ROBO1: variants seen among roughly 807,000 people sequenced by gnomAD.
The protein encoded by ROBO1 is roundabout guidance receptor 1, also known as roundabout homolog 1.
A neutral mutation model predicts 195.9 loss-of-function variants in ROBO1; 149 were observed. That is an observed-to-expected ratio of 0.76 (90% CI 0.67 to 0.87). The LOEUF is 0.87. Ranked by LOEUF, ROBO1 falls within the 40% of genes least tolerant of loss-of-function variation. The pLI, the probability that ROBO1 is intolerant of heterozygous loss-of-function variation, is 0.00. For synonymous variants in ROBO1, 816 were observed against 733.2 expected, an observed-to-expected ratio of 1.11 and a Z score of -1.82; for missense variants, 1,933 against 2,068.3, an observed-to-expected ratio of 0.93 and a Z score of 1.27.
chr3:78,635,567 ATATAT>A (rs1237240440), intron 23 of ROBO1, among the ~76,000 whole-genome samples: 3 of 152,152 alleles, frequency 2.0e-5, no homozygotes, highest in Non-Finnish European at 4.4e-5. Context: ...GAAAATACTT[ATATAT>A]TATTATAAAA....
chr3:79,688,995 C>G (rs911325110), intron 1 of ROBO1, among the ~76,000 whole-genome samples: 1 of 151,972 alleles, frequency 6.6e-6, no homozygotes, highest in Non-Finnish European at 1.5e-5. Flanking sequence ...AATTATTAGA[C>G]TTTTTTCTCA....
At chr3:79,476,908 T>C (rs1053870233) in intron 2 of ROBO1, among the ~76,000 whole-genome samples, 5 of 151,958 alleles carry the variant, frequency 3.3e-5, no homozygotes, top group South Asian at 2.1e-4. Context: ...CAATAACCTA[T>C]GTAAATTTAA....
chr3:79,695,944 TC>T (rs1294032920), intron 1 of ROBO1, among the ~76,000 whole-genome samples: 18 of 146,466 alleles, frequency 1.2e-4, no homozygotes, highest in Non-Finnish European at 3.1e-5. Context: ...AGGTTTTTTT[TC>T]CCCCCAATCA....
chr3:79,675,334 G>T (rs957726697), intron 1 of ROBO1, among the ~76,000 whole-genome samples: 3 of 151,978 alleles, frequency 2.0e-5, no homozygotes, highest in African/African-American at 7.2e-5. Context: ...GTATGTCTAA[G>T]ATTTGTTGAA....
chr3:79,069,662 A>G (rs958187986), intron 3 of ROBO1, among the ~76,000 whole-genome samples: 2 of 151,928 alleles, frequency 1.3e-5, no homozygotes, highest in African/African-American at 4.8e-5. Context: ...GTAAGTGGTT[A>G]CAGAACAAAC....
chr3:78,878,079 G>A (rs1400689427), intron 4 of ROBO1, among the ~76,000 whole-genome samples: 2 of 151,896 alleles, frequency 1.3e-5, no homozygotes, highest in African/African-American at 2.4e-5. Context: ...GAGGGCCATC[G>A]TTCTCAATTA....
intron 4 of ROBO1, among the ~76,000 whole-genome samples, chr3:78,845,847 T>C (rs1167146827): frequency 6.6e-6 from 1 of 152,188 alleles, no homozygotes; most frequent in African/African-American, 2.4e-5. Context: ...AAGAAAAGCT[T>C]TGAAATCCAT....
chr3:79,103,423 A>G (rs73848833), intron 3 of ROBO1, among the ~76,000 whole-genome samples: 2,338 of 151,912 alleles, frequency 0.015, 45 homozygotes, highest in African/African-American at 0.044. Flanking sequence ...GACACTAAGC[A>G]TATTATCTCC....
intron 25 of ROBO1, among the ~76,000 whole-genome samples, chr3:78,629,953 G>A (rs1705079050): frequency 1.3e-5 from 2 of 152,252 alleles, no homozygotes; most frequent in African/African-American, 2.4e-5. Context: ...CATGTTTGTC[G>A]AAATGTTTTA....
intron 1 of ROBO1, among the ~76,000 whole-genome samples, chr3:79,670,611 A>G (rs985753830): frequency 9.2e-5 from 14 of 151,864 alleles, no homozygotes; most frequent in African/African-American, 3.4e-4. Flanking sequence ...TTATTTGAAA[A>G]AAGCACATTG....
intron 4 of ROBO1, among the ~76,000 whole-genome samples, chr3:78,797,405 C>T (rs763907163): frequency 1.3e-5 from 2 of 152,206 alleles, no homozygotes; most frequent in African/African-American, 2.4e-5. Flanking sequence ...TATGAACGAA[C>T]GTATGAAATG....
chr3:79,412,750 T>C (rs987232104), intron 2 of ROBO1, among the ~76,000 whole-genome samples: 4 of 152,012 alleles, frequency 2.6e-5, no homozygotes, highest in Admixed American at 2.6e-4. Context: ...CAAAATGTAA[T>C]GTACATTGCA....
At chr3:79,486,144 C>T (rs1277030752) in intron 2 of ROBO1, among the ~76,000 whole-genome samples, 1 of 152,104 alleles carries the variant, frequency 6.6e-6, no homozygotes, top group East Asian at 1.9e-4. Flanking sequence ...TAAAAGCTCT[C>T]AGAAGAGTGA....
intron 1 of ROBO1, among the ~76,000 whole-genome samples, chr3:79,694,941 T>C (rs1057383898): frequency 4.6e-5 from 7 of 151,764 alleles, no homozygotes; most frequent in Admixed American, 1.3e-4. Flanking sequence ...TCTAGGATTC[T>C]CTCTTATGAA....
chr3:78,851,543 C>T (rs329808), intron 4 of ROBO1, among the ~76,000 whole-genome samples: 9,525 of 152,226 alleles, frequency 0.063, 343 homozygotes, highest in Middle Eastern at 0.12. Context: ...ATACAGAATA[C>T]ATTCAATAAC....
At chr3:79,219,983 T>C (rs942323583) in intron 2 of ROBO1, among the ~76,000 whole-genome samples, 3 of 152,030 alleles carry the variant, frequency 2.0e-5, no homozygotes, top group African/African-American at 7.2e-5. Flanking sequence ...GTGATATATA[T>C]GGTATGGTGA....
At chr3:78,719,396 C>G (rs1012624633) in intron 5 of ROBO1, among the ~76,000 whole-genome samples, 1 of 151,278 alleles carries the variant, frequency 6.6e-6, no homozygotes, top group African/African-American at 2.4e-5. Context: ...AAACGTCACA[C>G]AAAAAAAACA....
rs565369102 is a variant in ROBO1 at position 79,565,983 on chromosome 3, G to C, written c.88+23841C>G. Among the ~76,000 whole-genome samples the C allele has an allele frequency of 5.1e-4, 78 of 152,100 alleles. 1 individual carries two copies. The South Asian group carries it at 0.016, about 31-fold the overall frequency. ...CTTCCTGGTGGAACTCTTTGCATTAGCCTACAGCAAATATATAACTATTGG... is the reference window on the plus strand; with the variant it reads ...CTTCCTGGTGGAACTCTTTGCATTACCCTACAGCAAATATATAACTATTGG... On this transcript the variant is annotated intron_variant, in intron 2 of 30. Coordinates refer to ENST00000464233, the MANE Select transcript of ROBO1 (RefSeq NM_002941.4).
intron 2 of ROBO1, among the ~76,000 whole-genome samples, chr3:79,134,908 G>A (rs958799937): frequency 9.9e-5 from 12 of 120,882 alleles, no homozygotes; most frequent in Non-Finnish European, 1.5e-4. Context: ...GGAGGGGGGA[G>A]GGATAGCATT....
Sources: gnomAD v4.1 joint callset for allele counts (sites outside exome capture counted in the v4.1 genomes callset) on GRCh38, gnomAD v4.1.1 for gene constraint, MANE v1.5 for transcripts, NCBI Gene and HGNC (gene_info 2026-07-23, HGNC 2026-07-21) for gene names.